The following TEX2 variants were observed in gnomAD, a reference collection of about 807,000 sequenced individuals.
The protein encoded by TEX2 is testis expressed 2, also known as testis-expressed protein 2.
TEX2 carries 53 observed loss-of-function variants against 106.9 expected under a neutral mutation model. That is an observed-to-expected ratio of 0.50 (90% CI 0.40 to 0.62). The LOEUF (loss-of-function observed/expected upper bound fraction) is 0.62. Among genes scored for constraint, TEX2 ranks in the 20% least tolerant of loss-of-function variants. The pLI is 0.00. For missense variants in TEX2, 1,207 were observed against 1,379.0 expected (o/e 0.88, Z 1.98); for synonymous variants, 523 against 534.8 (o/e 0.98, Z 0.30).
At chr17:64,167,745 G>A (rs2031204123) in intron 7 of TEX2, among the ~76,000 whole-genome samples, 1 of 152,174 alleles carries the variant, frequency 6.6e-6, no homozygotes, top group Non-Finnish European at 1.5e-5. Context: ...CTTGAACCCA[G>A]GAGGTGGAGG....
At chr17:64,161,871 C>T (rs1167036146) in intron 7 of TEX2, among the ~76,000 whole-genome samples, 1 of 152,042 alleles carries the variant, frequency 6.6e-6, no homozygotes, top group East Asian at 1.9e-4. Context: ...CCTCACATGA[C>T]AAATGACATC....
At chr17:64,229,773 T>C (rs1034558710) in intron 1 of TEX2, among the ~76,000 whole-genome samples, 99 of 152,348 alleles carry the variant, frequency 6.5e-4, no homozygotes, top group African/African-American at 2.3e-3. Flanking sequence ...TTTCTAGCTA[T>C]AATAAACTGT....
At chr17:64,254,835 G>A (rs1168138642) in intron 1 of TEX2, among the ~76,000 whole-genome samples, 1 of 152,062 alleles carries the variant, frequency 6.6e-6, no homozygotes, top group Non-Finnish European at 1.5e-5. Context: ...AATTTTATGA[G>A]CCACTGTGGA....
intron 4 of TEX2, among the ~76,000 whole-genome samples, chr17:64,189,397 G>T (rs921266097): frequency 6.6e-6 from 1 of 152,292 alleles, no homozygotes; most frequent in Middle Eastern, 3.4e-3. Context: ...GGCCCAGGTG[G>T]GGAAGAGTAT....
intron 1 of TEX2, among the ~76,000 whole-genome samples, chr17:64,222,845 G>A (rs2033398069): frequency 6.6e-6 from 1 of 151,992 alleles, no homozygotes; most frequent in African/African-American, 2.4e-5. Context: ...GTGGGGTGGG[G>A]GAGGCTATTT....
In TEX2 at chr17:64,213,954, AGGGCCGGCG is replaced by A. The variant is rs1567947320; in HGVS notation, c.255_263del (p.Gly87_Ala89del). On this transcript the variant is annotated inframe_deletion, in exon 2 of 12. Transcript: ENST00000584379. This position sits in a 1 kb window ranked among gnomAD's most constrained non-coding sequence, Gnocchi z 4.4. ...CATCTGCCAGGACAGGCGAGGCAGCAGGGCCGGCGGGGTCATGGCCAACTTGGGGTTCAA... is the reference window on the plus strand; with the variant it reads ...CATCTGCCAGGACAGGCGAGGCAGCAGGGTCATGGCCAACTTGGGGTTCAA... The A allele has an allele frequency of 6.2e-7, 1 of 1,614,242 alleles. No homozygotes were observed.
At chr17:64,253,654 A>G (rs1044089569) in intron 1 of TEX2, among the ~76,000 whole-genome samples, 1 of 152,176 alleles carries the variant, frequency 6.6e-6, no homozygotes, top group African/African-American at 2.4e-5. Context: ...GTCGTTTATA[A>G]GATAAAAATC....
intron 1 of TEX2, among the ~76,000 whole-genome samples, chr17:64,218,153 C>T (rs1223901474): frequency 6.6e-6 from 1 of 151,792 alleles, no homozygotes; most frequent in African/African-American, 2.4e-5. Flanking sequence ...GGCTGAGGCA[C>T]AAGAATTGCT....
chr17:64,251,976 C>A (rs1196350259), intron 1 of TEX2, among the ~76,000 whole-genome samples: 1 of 152,262 alleles, frequency 6.6e-6, no homozygotes, highest in Non-Finnish European at 1.5e-5. Context: ...AGAATCCCTA[C>A]CCTCTAGGAA....
At chr17:64,258,130 TG>T (rs2034219696) in intron 1 of TEX2, among the ~76,000 whole-genome samples, 1 of 152,164 alleles carries the variant, frequency 6.6e-6, no homozygotes, top group South Asian at 2.1e-4. Context: ...CAGGCTGGTC[TG>T]GAACTCCTGA....
intron 7 of TEX2, 147 bp from the exon 8 acceptor site, chr17:64,161,080 C>T: frequency 1.2e-6 from 1 of 827,882 alleles, no homozygotes; most frequent in South Asian, 1.8e-5. Context: ...GGACTGAGAG[C>T]ACATTGTGCC....
rs781859721 is a variant in TEX2 at position 64,239,904 on chromosome 17, A to AAAAAAAAAG, written c.-26+23263_-26+23264insCTTTTTTTT. Reference sequence around the variant, plus strand: ...AAAAAAAAAAAAAAAAAAAAAAAAAAGCAGAGAAGATAAGAGAAGAGAAAT... The same window carrying AAAAAAAAAG: ...AAAAAAAAAAAAAAAAAAAAAAAAAAAAAAAAAAGGCAGAGAAGATAAGAGAAGAGAAAT... On this transcript the variant is annotated intron_variant, in intron 1 of 11. Coordinates refer to ENST00000584379, the MANE Select transcript of TEX2 (RefSeq NM_001288732.2). 3.1e-3 allele frequency among the ~76,000 whole-genome samples: 364 copies of AAAAAAAAAG among 118,838 alleles called. 15 individuals carry two copies. The highest frequency in any genetic ancestry group is 4.5e-3 in the South Asian group (16 of 3,582). 78.0% of individuals were successfully genotyped at this position (118,838 alleles called of 152,430 possible).
intron 8 of TEX2, among the ~76,000 whole-genome samples, chr17:64,160,010 C>T (rs529863827): frequency 6.6e-6 from 1 of 152,282 alleles, no homozygotes; most frequent in East Asian, 1.9e-4. Context: ...GAGGTAGCTC[C>T]TTGTGACATT....
chr17:64,156,402 C>T (rs1034983125), intron 8 of TEX2, among the ~76,000 whole-genome samples: 3 of 152,156 alleles, frequency 2.0e-5, no homozygotes, highest in African/African-American at 7.2e-5. Flanking sequence ...ACTCCCTCTG[C>T]AGAAACAAAA....
chr17:64,173,651 T>G (rs2031503282), intron 6 of TEX2, among the ~76,000 whole-genome samples: 3 of 152,194 alleles, frequency 2.0e-5, no homozygotes, highest in Admixed American at 2.0e-4. Flanking sequence ...TTCCAAAGCA[T>G]CAATGTTATA....
At chr17:64,161,505 T>C (rs554583086) in intron 7 of TEX2, among the ~76,000 whole-genome samples, 1 of 152,342 alleles carries the variant, frequency 6.6e-6, no homozygotes, top group East Asian at 1.9e-4. Context: ...TTCTGGAAAC[T>C]GCCCACTGAT....
At chr17:64,207,829 G>A (rs896810538) in intron 2 of TEX2, among the ~76,000 whole-genome samples, 4 of 151,658 alleles carry the variant, frequency 2.6e-5, no homozygotes, top group East Asian at 1.9e-4. Context: ...TCTGCCTCCC[G>A]GGTTCACGCC....
chr17:64,241,756 C>T (rs946461138), intron 1 of TEX2, among the ~76,000 whole-genome samples: 1 of 152,182 alleles, frequency 6.6e-6, no homozygotes, highest in African/African-American at 2.4e-5. Flanking sequence ...ACTCAGCCTT[C>T]TGAGTAGCTA....
chr17:64,252,361 G>A (rs1555637102), intron 1 of TEX2, among the ~76,000 whole-genome samples: 1 of 152,126 alleles, frequency 6.6e-6, no homozygotes, highest in Admixed American at 6.6e-5. Flanking sequence ...CACCCAGGCT[G>A]GAGTGCAGTG....
Sources: allele counts gnomAD v4.1 joint callset (sites outside exome capture counted in the v4.1 genomes callset), GRCh38; gene constraint gnomAD v4.1.1; non-coding constraint Gnocchi (gnomAD v3.1); transcripts MANE v1.5; gene names NCBI Gene and HGNC (gene_info 2026-07-23, HGNC 2026-07-21).